The following TINAG variants were observed in gnomAD, a reference collection of about 807,000 sequenced individuals.
The protein encoded by TINAG is tubulointerstitial nephritis antigen.
A neutral mutation model predicts 72.7 loss-of-function variants in TINAG; 83 were observed. The observed-to-expected ratio is 1.14, with a 90% CI of 0.96 to 1.37. TINAG has a LOEUF of 1.37. Among genes scored for constraint, TINAG ranks in the 40% most tolerant of loss-of-function variants. TINAG has a pLI of 0.00. For synonymous variants in TINAG, 234 were observed against 189.9 expected (o/e 1.23, Z -1.91); for missense variants, 685 against 576.6 (o/e 1.19, Z -1.93).
chr6:54,351,223 G>A (rs1326552949), intron 7 of TINAG, 129 bp from the exon 8 acceptor site: 4 of 698,024 alleles, frequency 5.7e-6, no homozygotes, highest in East Asian at 3.0e-5. Flanking sequence ...CATTAATGTA[G>A]CATAATATAC....
chr6:54,377,780 T>C (rs1187953397), intron 9 of TINAG, among the ~76,000 whole-genome samples: 3 of 152,232 alleles, frequency 2.0e-5, no homozygotes, highest in African/African-American at 7.2e-5. Flanking sequence ...AAAGGAATGG[T>C]ACCACAATTT....
chr6:54,335,683 T>G (rs1297129555), intron 4 of TINAG, among the ~76,000 whole-genome samples: 1 of 152,192 alleles, frequency 6.6e-6, no homozygotes, highest in East Asian at 1.9e-4. Context: ...GTCTGTTGAC[T>G]ACATAGAAAA....
intron 9 of TINAG, among the ~76,000 whole-genome samples, chr6:54,371,665 C>T (rs921267272): frequency 7.9e-5 from 12 of 151,806 alleles, no homozygotes; most frequent in African/African-American, 2.9e-4. Flanking sequence ...CAGGAAGAAA[C>T]AATTTCTTTG....
At chr6:54,320,919 A>C (rs1784476417) in intron 2 of TINAG, among the ~76,000 whole-genome samples, 1 of 152,142 alleles carries the variant, frequency 6.6e-6, no homozygotes, top group South Asian at 2.1e-4. Flanking sequence ...TCTTAATTAT[A>C]ATATTCTGAT....
rs147304821 is a variant in TINAG, at chr6:54,361,806, A to G, written c.1250+7170A>G. Among the ~76,000 whole-genome samples, 605 of 151,852 alleles carry G rather than the reference A, an allele frequency of 4.0e-3. 11 individuals are homozygous for G. Among genetic ancestry groups the G allele is most frequent in the Admixed American group, 0.033 (496 of 15,188 alleles). On this transcript the variant is annotated intron_variant, in intron 9 of 10. Coordinates refer to ENST00000259782, the MANE Select transcript of TINAG (RefSeq NM_014464.4). ...GAAGGAAGTTAAAAGTGCTAATCCA[A>G]CAAATATACAAATATTAAGAAAGCA... is the stretch of plus-strand genomic sequence containing the variant.
In TINAG at chr6:54,349,840, G is replaced by T; in HGVS notation, c.1024G>T (p.Val342Leu). 1.2e-6 allele frequency: 2 copies of T among 1,609,616 alleles called. No homozygotes were observed. Among genetic ancestry groups the T allele is most frequent in the Non-Finnish European group, 1.7e-6 (2 of 1,177,298 alleles). ...RHATKPCPNN[V>L]EKSNRIYQCS... ...TGCCACGAAGCCATGTCCCAACAAC[G>T]TAGAAAAATCTAACAGGATCTATCA... is the stretch of plus-strand genomic sequence containing the variant. Residue 342 changes from valine to leucine, a missense_variant, in exon 7 of 11, where the codon GTA becomes TTA. Transcript: ENST00000259782.
chr6:54,365,714 A>G (rs781429723), intron 9 of TINAG, among the ~76,000 whole-genome samples: 2 of 151,608 alleles, frequency 1.3e-5, no homozygotes, highest in Non-Finnish European at 3.0e-5. Flanking sequence ...TTGGAGTAGA[A>G]TTCCAAATTT....
intron 9 of TINAG, among the ~76,000 whole-genome samples, chr6:54,358,477 T>A (rs953801171): frequency 1.3e-5 from 2 of 150,940 alleles, no homozygotes; most frequent in Non-Finnish European, 3.0e-5. Flanking sequence ...TTTTTCCTTA[T>A]GGTCTGCACT....
At chr6:54,350,437 G>A (rs535620672) in intron 7 of TINAG, among the ~76,000 whole-genome samples, 1 of 151,636 alleles carries the variant, frequency 6.6e-6, no homozygotes, top group East Asian at 1.9e-4. Flanking sequence ...AATACAATTC[G>A]GTGTTCTAAC....
Position 54,380,587 on chromosome 6 carries a change from C to A in TINAG, c.1296+16C>A. On this transcript the variant is annotated intron_variant, in intron 10 of 10. Coordinates refer to ENST00000259782, the MANE Select transcript of TINAG (RefSeq NM_014464.4). ...AAAATTTTGGGTATGTAACTCTTTC[C>A]AGTTGAATTCCTGCTGTGAAGTGAA... 4 of 1,604,524 alleles carry A rather than the reference C, an allele frequency of 2.5e-6. No individual in the cohort carries two copies. Among genetic ancestry groups the A allele is most frequent in the Non-Finnish European group, 3.4e-6 (4 of 1,172,904 alleles).
intron 10 of TINAG, among the ~76,000 whole-genome samples, chr6:54,389,300 C>T (rs996524579): frequency 2.0e-5 from 3 of 152,148 alleles, no homozygotes; most frequent in African/African-American, 4.8e-5. Flanking sequence ...AATGTCTTCG[C>T]TGAACCATCC....
chr6:54,308,488 A>C lies in TINAG; in HGVS notation c.-63A>C. On this transcript the variant is annotated 5_prime_UTR_variant, in exon 1 of 11. Transcript: ENST00000259782. ...GACTAGAATTCAGGTTCCAAGGAGAAGCCCACAAGGCTAAGGGTATTGGAT... is the reference window on the plus strand; with the variant it reads ...GACTAGAATTCAGGTTCCAAGGAGACGCCCACAAGGCTAAGGGTATTGGAT... 7.1e-7 allele frequency: 1 copy of C among 1,408,594 alleles called. No individual in the cohort carries two copies. Among genetic ancestry groups the C allele is most frequent in the Non-Finnish European group, 9.6e-7 (1 of 1,037,722 alleles). The allele number at this position is 1,408,594 out of a possible 1,614,324, so 87.3% of individuals were successfully genotyped here. A position where few individuals can be genotyped will look rare whatever the true frequency, so the allele number is the denominator to read the frequency against.
At chr6:54,368,345 A>C (rs1763499301) in intron 9 of TINAG, among the ~76,000 whole-genome samples, 1 of 147,906 alleles carries the variant, frequency 6.8e-6, no homozygotes, top group East Asian at 2.0e-4. Context: ...TAATTTAAAT[A>C]TTAAATAATA....
rs770543263 is a variant in TINAG at position 54,308,534 on chromosome 6, T to A, written c.-17T>A. ...TGGATATAACGGAAAGTGGAAGCTA[T>A]ACCTGACTTCCAGAGAATGTGGACC... On this transcript the variant is annotated 5_prime_UTR_variant, in exon 1 of 11. Coordinates refer to ENST00000259782, the MANE Select transcript of TINAG (RefSeq NM_014464.4). The A allele has an allele frequency of 1.3e-6, 2 of 1,590,806 alleles. No homozygotes were observed. The highest frequency in any genetic ancestry group is 1.4e-5 in the African/African-American group (1 of 74,044).
intron 9 of TINAG, chr6:54,365,499 C>T (rs1203155777): frequency 6.6e-6 from 1 of 151,428 alleles, no homozygotes; most frequent in Non-Finnish European, 1.5e-5. Flanking sequence ...GTGAGGGTCA[C>T]ATGTTGTGAT....
chr6:54,367,566 G>A (rs564241748), intron 9 of TINAG, among the ~76,000 whole-genome samples: 1 of 151,866 alleles, frequency 6.6e-6, no homozygotes, highest in Admixed American at 6.6e-5. Flanking sequence ...GTGCTGTAGA[G>A]ATGGTACAAG....
intron 9 of TINAG, among the ~76,000 whole-genome samples, chr6:54,363,502 G>A (rs1169735009): frequency 6.6e-6 from 1 of 150,944 alleles, no homozygotes; most frequent in African/African-American, 2.4e-5. Flanking sequence ...AGTCAAGAGT[G>A]ATCCACCTTT....
chr6:54,332,407 C>A (rs1378443417), intron 4 of TINAG, among the ~76,000 whole-genome samples: 1 of 152,120 alleles, frequency 6.6e-6, no homozygotes. Flanking sequence ...GGAAAACTGG[C>A]TAGCCATATG....
At chr6:54,368,308 A>C (rs1226210644) in intron 9 of TINAG, among the ~76,000 whole-genome samples, 2 of 147,758 alleles carry the variant, frequency 1.4e-5, no homozygotes, top group Admixed American at 6.8e-5. Flanking sequence ...TATATATTAA[A>C]GTAATTATTA....
Sources: gnomAD v4.1 joint callset for allele counts (sites outside exome capture counted in the v4.1 genomes callset) on GRCh38, gnomAD v4.1.1 for gene constraint, MANE v1.5 for transcripts, NCBI Gene and HGNC (gene_info 2026-07-23, HGNC 2026-07-21) for gene names.